The following EVC variants were observed in gnomAD, a reference collection of about 807,000 sequenced individuals.
EVC encodes EvC ciliary complex subunit 1, also known as evC complex member EVC.
Under a neutral mutation model 118.9 loss-of-function variants are expected in EVC, and 116 were observed. That is an observed-to-expected ratio of 0.98 (90% CI 0.84 to 1.14). The LOEUF is 1.14. Among genes scored for constraint, EVC ranks in the 50% most tolerant of loss-of-function variants. The pLI is 0.00. For missense variants in EVC, 1,401 were observed against 1,246.4 expected (o/e 1.12, Z -1.87); for synonymous variants, 619 against 534.7 (o/e 1.16, Z -2.18).
At chr4:5,799,772 A>C (rs1261621666) in intron 15 of EVC, among the ~76,000 whole-genome samples, 2 of 152,200 alleles carry the variant, frequency 1.3e-5, no homozygotes, top group African/African-American at 4.8e-5. Context: ...TCTGTGCAGC[A>C]AAGAGGCTGG....
At chr4:5,735,494 AGCTG>A (rs1293464417) in intron 5 of EVC, among the ~76,000 whole-genome samples, 1 of 152,226 alleles carries the variant, frequency 6.6e-6, no homozygotes, top group Admixed American at 6.5e-5. Context: ...TGGGAAGTCA[AGCTG>A]CCCTGCTTTG....
chr4:5,724,758 G>T (rs1725538996), intron 2 of EVC, among the ~76,000 whole-genome samples: 1 of 151,502 alleles, frequency 6.6e-6, no homozygotes, highest in Non-Finnish European at 1.5e-5. Flanking sequence ...AAGTTCTGGG[G>T]TACACATGCA....
Position 5,731,533 on chromosome 4 carries a change from A to T in EVC, c.493A>T (p.Ser165Cys). The T allele has an allele frequency of 6.2e-7, 1 of 1,614,084 alleles. No homozygotes were observed. Among genetic ancestry groups the T allele is most frequent in the Non-Finnish European group, 8.5e-7 (1 of 1,180,000 alleles). The change falls in exon 4 of 21, where the codon AGC becomes TGC. Residue 165 changes from serine to cysteine, a missense_variant. Ser to Cys is a moderately radical substitution (Grantham distance 112). Coordinates refer to ENST00000264956, the MANE Select transcript of EVC (RefSeq NM_153717.3). The surrounding 1 kb of genome is among the most constrained non-coding windows in gnomAD (Gnocchi z 5.6). Reference sequence around the variant, plus strand: ...TCCTTCCAGCAGTCTGGGGAGCCTGAGCCAGGGTGAGAAGGACGACTGCAG... The same window carrying T: ...TCCTTCCAGCAGTCTGGGGAGCCTGTGCCAGGGTGAGAAGGACGACTGCAG... ...ASPSSSLGSL[S>C]QGEKDDCSSS...
intron 17 of EVC, 130 bp downstream of exon 17, chr4:5,804,971 C>T: frequency 2.5e-6 from 2 of 785,032 alleles, no homozygotes; most frequent in African/African-American, 1.7e-5. Context: ...CGGCCTTCCT[C>T]ACCCGCTGCC....
chr4:5,810,196 G>A (rs984380093), intron 19 of EVC, 143 bp from the exon 20 acceptor site: 4 of 722,748 alleles, frequency 5.5e-6, no homozygotes, highest in Non-Finnish European at 1.0e-5. Context: ...TAGTTGAGTG[G>A]CTGCAATAGC....
At position 5,809,561 on chromosome 4, in the gene EVC, G is replaced by A. The variant is rs930402783; in HGVS notation, c.2732G>A (p.Arg911Gln). Residue 911 changes from arginine to glutamine, a missense_variant, in exon 19 of 21, where the codon CGA becomes CAA. Physicochemically the swap from Arg to Gln is conservative, Grantham distance 43 (BLOSUM62 1). Coordinates refer to ENST00000264956, the MANE Select transcript of EVC (RefSeq NM_153717.3). ...ATCTCCGAGCTGGCAGCCTTGGCCC[G>A]AGTGCCCCTTGCTGAAAGCAAACTG... ...NFISELAALARVPLAESKLLP... is the reference protein window; with the variant it reads ...NFISELAALAQVPLAESKLLP... 3.0e-5 allele frequency: 48 copies of A among 1,614,078 alleles called. No homozygotes were observed. The highest frequency in any genetic ancestry group is 3.7e-5 in the Non-Finnish European group (44 of 1,180,048).
chr4:5,756,777 G>A lies in EVC; in HGVS notation c.1563+415G>A, dbSNP rs560327053. Among the ~76,000 whole-genome samples the A allele has an allele frequency of 3.9e-5, 6 of 152,276 alleles. No individual in the cohort carries two copies. In the East Asian group the frequency reaches 7.8e-4, roughly 20 times the overall value. The stretch of plus-strand genomic sequence containing the variant: ...CACCACCTCTTTCCCCTGTGCAACC[G>A]TGTGCAGGTCTGGGGTGGGGAGGTG... On this transcript the variant is annotated intron_variant, in intron 11 of 20. Coordinates refer to ENST00000264956, the MANE Select transcript of EVC (RefSeq NM_153717.3). The surrounding 1 kb of genome is among the most constrained non-coding windows in gnomAD (Gnocchi z 4.2).
intron 3 of EVC, among the ~76,000 whole-genome samples, chr4:5,730,356 T>C (rs1314972182): frequency 6.6e-6 from 1 of 152,132 alleles, no homozygotes; most frequent in Non-Finnish European, 1.5e-5. Context: ...TTTCACCTTG[T>C]TTAACACAAG....
At chr4:5,739,597 C>G (rs141043547) in intron 5 of EVC, among the ~76,000 whole-genome samples, 39 of 152,310 alleles carry the variant, frequency 2.6e-4, no homozygotes, top group African/African-American at 9.4e-4. Flanking sequence ...AAAACTGTGG[C>G]CCTTGAGCCA....
chr4:5,731,687 C>T lies in EVC; in HGVS notation c.617+30C>T, dbSNP rs376142344. 3.2e-5 allele frequency: 51 copies of T among 1,588,402 alleles called. No individual in the cohort carries two copies. The highest frequency in any genetic ancestry group is 4.4e-5 in the Non-Finnish European group (51 of 1,161,096). ...GGAGAGCGGGCAATGGAGGATGAGG[C>T]TTCCAGTCCTCTTGGAGTGGGCCGG... On this transcript the variant is annotated intron_variant, in intron 4 of 20. Transcript: ENST00000264956. The surrounding 1 kb of genome is among the most constrained non-coding windows in gnomAD (Gnocchi z 5.6).
chr4:5,736,365 A>T (rs1370526742), intron 5 of EVC, among the ~76,000 whole-genome samples: 1 of 152,234 alleles, frequency 6.6e-6, no homozygotes, highest in Non-Finnish European at 1.5e-5. Flanking sequence ...AGACAGCAGT[A>T]TTCAACCAGT....
At position 5,809,569 on chromosome 4, in the gene EVC, C is replaced by T. The variant is rs370825749; in HGVS notation, c.2740C>T (p.Leu914Phe). The T allele has an allele frequency of 1.2e-5, 20 of 1,614,098 alleles. No homozygotes were observed. Among genetic ancestry groups the T allele is most frequent in the Admixed American group, 8.3e-5 (5 of 60,006 alleles). ...SELAALARVP[L>F]AESKLLPAKR... Reference sequence around the variant, plus strand: ...GCTGGCAGCCTTGGCCCGAGTGCCCCTTGCTGAAAGCAAACTGTTGCCTGC... The same window carrying T: ...GCTGGCAGCCTTGGCCCGAGTGCCCTTTGCTGAAAGCAAACTGTTGCCTGC... Residue 914 changes from leucine to phenylalanine, a missense_variant, in exon 19 of 21, where the codon CTT becomes TTT. Leu to Phe is a conservative substitution (Grantham distance 22). Coordinates refer to ENST00000264956, the MANE Select transcript of EVC (RefSeq NM_153717.3).
chr4:5,728,096 C>G (rs1726162511), intron 2 of EVC, among the ~76,000 whole-genome samples: 1 of 152,028 alleles, frequency 6.6e-6, no homozygotes, highest in Non-Finnish European at 1.5e-5. Context: ...GTGGTTTTTT[C>G]CAGTTCTGTG....
In EVC at chr4:5,756,312, G is replaced by C. The variant is rs138171411; in HGVS notation, c.1513G>C (p.Glu505Gln). 13 of 1,612,840 alleles carry C rather than the reference G, an allele frequency of 8.1e-6. No individual in the cohort carries two copies. The highest frequency in any genetic ancestry group is 2.2e-5 in the East Asian group (1 of 44,866). ...GCAGAGGCTGATGCAGTGTGACCTG[G>C]AGGAAGAGGAGAATGTCAGAGCCAC... Reference protein sequence around the residue: ...ERQRLMQCDLEEEENVRATEA... With the variant: ...ERQRLMQCDLQEEENVRATEA... The change falls in exon 11 of 21, where the codon GAG becomes CAG. Residue 505 changes from glutamate to glutamine, a missense_variant. Coordinates refer to ENST00000264956, the MANE Select transcript of EVC (RefSeq NM_153717.3). This position sits in a 1 kb window ranked among gnomAD's most constrained non-coding sequence, Gnocchi z 4.2.
chr4:5,758,319 T>G (rs1199709955), intron 11 of EVC: 2 of 546,000 alleles, frequency 3.7e-6, no homozygotes, highest in Admixed American at 6.6e-5. Flanking sequence ...GCACCCAGTT[T>G]GCGGCGCTTT....
At chr4:5,779,347 C>A (rs1454327001) in intron 11 of EVC, among the ~76,000 whole-genome samples, 11 of 151,620 alleles carry the variant, frequency 7.3e-5, no homozygotes, top group African/African-American at 2.7e-4. Context: ...TCCATATGAA[C>A]TTTAAAGTAG....
chr4:5,761,183 C>G (rs1263878403), intron 11 of EVC, among the ~76,000 whole-genome samples: 3 of 151,974 alleles, frequency 2.0e-5, no homozygotes, highest in Non-Finnish European at 4.4e-5. Context: ...GCTGGGTGTG[C>G]CGAGGAGAGC....
rs1729332307 is a variant in EVC, at chr4:5,746,203, C to A, written c.939+862C>A. Among the ~76,000 whole-genome samples the A allele has an allele frequency of 6.6e-6, 1 of 152,216 alleles. No homozygotes were observed. Among genetic ancestry groups the A allele is most frequent in the Non-Finnish European group, 1.5e-5 (1 of 68,046 alleles). ...TCTATTGCCAGCGAGGTGGGAGTCACTGAAGCTTTGAAGCAGGGGGTGGCT... is the reference window on the plus strand; with the variant it reads ...TCTATTGCCAGCGAGGTGGGAGTCAATGAAGCTTTGAAGCAGGGGGTGGCT... On this transcript the variant is annotated intron_variant, in intron 7 of 20. Coordinates refer to ENST00000264956, the MANE Select transcript of EVC (RefSeq NM_153717.3). The surrounding 1 kb of genome is among the most constrained non-coding windows in gnomAD (Gnocchi z 5.8).
intron 11 of EVC, among the ~76,000 whole-genome samples, chr4:5,781,611 C>A (rs1484892833): frequency 6.6e-6 from 1 of 152,058 alleles, no homozygotes; most frequent in Non-Finnish European, 1.5e-5. Flanking sequence ...TCAAGGCAGG[C>A]AGATCATTTG....
Sources: allele counts gnomAD v4.1 joint callset (sites outside exome capture counted in the v4.1 genomes callset), GRCh38; gene constraint gnomAD v4.1.1; non-coding constraint Gnocchi (gnomAD v3.1); transcripts MANE v1.5; gene names NCBI Gene and HGNC (gene_info 2026-07-23, HGNC 2026-07-21).